Variants in RNF6 observed in about 807,000 individuals in gnomAD.
RNF6 encodes ring finger protein 6.
Under a neutral mutation model 50.1 loss-of-function variants are expected in RNF6, and 21 were observed. The ratio of observed to expected loss-of-function variants is 0.42; its 90% CI spans 0.30 to 0.60. RNF6 has a LOEUF of 0.60. Among genes scored for constraint, RNF6 ranks in the 20% least tolerant of loss-of-function variants. RNF6 has a pLI of 0.20. For missense variants in RNF6, 698 were observed against 838.2 expected (o/e 0.83, Z 2.07); for synonymous variants, 255 against 291.8 (o/e 0.87, Z 1.29).
intron 5 of RNF6, chr13:26,135,720 C>G (rs527421862): frequency 6.6e-6 from 1 of 152,326 alleles, no homozygotes; most frequent in East Asian, 1.9e-4. Flanking sequence ...TCACGTAGGA[C>G]TGTGACCACC....
At chr13:26,134,972 AG>A (rs948003311) in intron 5 of RNF6, among the ~76,000 whole-genome samples, 6 of 152,236 alleles carry the variant, frequency 3.9e-5, no homozygotes. Context: ...TAACAAAAAA[AG>A]ATTGGTAAAC....
rs1361701568 is a variant in RNF6 at position 26,212,970 on chromosome 13, T to C, written c.*854A>G. ...AAAACTAAATTTGAGAAACCATGCA[T>C]ACTGTATACCTTATTTAATAATCCA... On this transcript the variant is annotated 3_prime_UTR_variant, in exon 5 of 5. Coordinates refer to ENST00000381588, the MANE Select transcript of RNF6 (RefSeq NM_005977.4). The C allele has an allele frequency of 6.6e-6, 1 of 152,584 alleles. No individual in the cohort carries two copies. The highest frequency in any genetic ancestry group is 1.5e-5 in the Non-Finnish European group (1 of 68,020). The allele number at this position is 152,584 out of a possible 1,614,324, so 9.5% of individuals were successfully genotyped here.
chr13:26,145,450 A>G (rs68194307), intron 5 of RNF6, among the ~76,000 whole-genome samples: 8,380 of 26,524 alleles, frequency 0.32, 583 homozygotes, highest in South Asian at 0.36. Context: ...AATCATGGGG[A>G]GGGGGGGGGA....
chr13:26,137,175 A>G (rs904315512), intron 5 of RNF6, among the ~76,000 whole-genome samples: 2 of 152,172 alleles, frequency 1.3e-5, no homozygotes, highest in African/African-American at 2.4e-5. Flanking sequence ...AAGCTTACCC[A>G]GTGCTCAAAG....
chr13:26,215,906 C>T (rs1869825770), intron 4 of RNF6, among the ~76,000 whole-genome samples: 1 of 152,148 alleles, frequency 6.6e-6, no homozygotes, highest in Non-Finnish European at 1.5e-5. Context: ...GAAACATGTC[C>T]ACTACCAAAA....
intron 5 of RNF6, among the ~76,000 whole-genome samples, chr13:26,189,564 C>T (rs946257630): frequency 2.6e-5 from 4 of 152,192 alleles, no homozygotes; most frequent in Admixed American, 6.5e-5. Context: ...CAGTTTGCCC[C>T]AATCTTAAGG....
intron 5 of RNF6, among the ~76,000 whole-genome samples, chr13:26,172,257 A>T (rs1324038527): frequency 8.5e-6 from 1 of 117,950 alleles, no homozygotes; most frequent in African/African-American, 2.9e-5. Context: ...CCGATGCTGG[A>T]ACAGCTGGTT....
chr13:26,195,671 T>C (rs1868631755), intron 5 of RNF6, among the ~76,000 whole-genome samples: 1 of 152,168 alleles, frequency 6.6e-6, no homozygotes. Flanking sequence ...GTAACTTGCC[T>C]AAGATAACAC....
chr13:26,146,326 T>C (rs1871241849), intron 5 of RNF6, among the ~76,000 whole-genome samples: 1 of 152,226 alleles, frequency 6.6e-6, no homozygotes, highest in Non-Finnish European at 1.5e-5. Flanking sequence ...TTCATTATGG[T>C]AACCACATCT....
intron 5 of RNF6, among the ~76,000 whole-genome samples, chr13:26,163,244 G>A (rs1439287257): frequency 1.3e-5 from 2 of 151,968 alleles, no homozygotes; most frequent in African/African-American, 2.4e-5. Context: ...CCCGGGAGGC[G>A]GAGCTTGCAG....
At chr13:26,212,170 C>T (rs751009756), downstream of RNF6, among the ~76,000 whole-genome samples, 1 of 152,122 alleles carries the variant, frequency 6.6e-6, no homozygotes, top group Non-Finnish European at 1.5e-5. Flanking sequence ...ACCCATCCTC[C>T]TGGGCCATGA....
intron 5 of RNF6, among the ~76,000 whole-genome samples, chr13:26,152,448 C>T (rs550200728): frequency 2.0e-5 from 3 of 152,330 alleles, no homozygotes; most frequent in East Asian, 1.9e-4. Flanking sequence ...ACCACCCACC[C>T]CCAAGCCAGA....
chr13:26,145,976 G>A (rs1396267551), intron 5 of RNF6, among the ~76,000 whole-genome samples: 1 of 152,178 alleles, frequency 6.6e-6, no homozygotes, highest in Non-Finnish European at 1.5e-5. Context: ...CTGTGAGACA[G>A]ACCTAGACAA....
At chr13:26,217,504 G>C (rs143814987) in intron 4 of RNF6, among the ~76,000 whole-genome samples, 13 of 152,234 alleles carry the variant, frequency 8.5e-5, no homozygotes, top group Non-Finnish European at 1.0e-4. Context: ...GGGAGAGTAA[G>C]CGATACATCC....
intron 5 of RNF6, among the ~76,000 whole-genome samples, chr13:26,167,395 A>G (rs1398851610): frequency 3.3e-5 from 5 of 152,346 alleles, no homozygotes; most frequent in Middle Eastern, 3.4e-3. Context: ...GTCAAAGGAC[A>G]TGAATAGATG....
At chr13:26,165,936 G>T (rs138204371) in intron 5 of RNF6, among the ~76,000 whole-genome samples, 19 of 152,290 alleles carry the variant, frequency 1.2e-4, no homozygotes, top group African/African-American at 4.6e-4. Context: ...GGACTGTTGG[G>T]AAGGCATGAT....
chr13:26,133,227 C>T (rs187149591), intron 5 of RNF6, among the ~76,000 whole-genome samples: 291 of 152,168 alleles, frequency 1.9e-3, no homozygotes, highest in African/African-American at 6.7e-3. Context: ...TTACCTTTCC[C>T]CTATAGGTAA....
At chr13:26,155,476 A>T (rs1871867212) in intron 5 of RNF6, among the ~76,000 whole-genome samples, 2 of 152,180 alleles carry the variant, frequency 1.3e-5, no homozygotes, top group Admixed American at 1.3e-4. Context: ...GGATGGGGCA[A>T]TAATATAGAA....
Position 26,214,799 on chromosome 13 carries a change from A to T in RNF6, c.1083T>A (p.Gly361=). ...LEQDRERERR[G]TAYTPFSNSR... The stretch of plus-strand genomic sequence containing the variant: ...AATTAGAGAATGGGGTATATGCAGT[A>T]CCTCTGCGTTCTCGTTCTCTATCTT... Residue 361 remains glycine, a synonymous_variant, in exon 5 of 5, where the codon GGT becomes GGA. Coordinates refer to ENST00000381588, the MANE Select transcript of RNF6 (RefSeq NM_005977.4). 1 of 1,614,096 alleles carries T rather than the reference A, an allele frequency of 6.2e-7. No homozygotes were observed. The highest frequency in any genetic ancestry group is 8.5e-7 in the Non-Finnish European group (1 of 1,180,008).
Sources: allele counts gnomAD v4.1 joint callset (sites outside exome capture counted in the v4.1 genomes callset), GRCh38; gene constraint gnomAD v4.1.1; transcripts MANE v1.5; gene names NCBI Gene and HGNC (gene_info 2026-07-23, HGNC 2026-07-21).